Variants in GALNT7 observed in about 807,000 individuals in gnomAD.
The protein encoded by GALNT7 is polypeptide N-acetylgalactosaminyltransferase 7.
Under a neutral mutation model 82.1 loss-of-function variants are expected in GALNT7, and 60 were observed. The observed-to-expected ratio is 0.73, with a 90% CI of 0.59 to 0.91. The LOEUF is 0.91. Ranked by LOEUF, GALNT7 falls within the 40% of genes least tolerant of loss-of-function variation. The pLI, the probability that GALNT7 is intolerant of heterozygous loss-of-function variation, is 0.00. For synonymous variants in GALNT7, 243 were observed against 275.1 expected (o/e 0.88, Z 1.15); for missense variants, 660 against 804.2 (o/e 0.82, Z 2.17).
chr4:173,181,796 G>A (rs1033505917), intron 1 of GALNT7, among the ~76,000 whole-genome samples: 1 of 152,124 alleles, frequency 6.6e-6, no homozygotes, highest in Non-Finnish European at 1.5e-5. Context: ...TATACTGTAT[G>A]GTCATTCTCA....
chr4:173,287,108 G>A (rs1213602441), intron 2 of GALNT7, among the ~76,000 whole-genome samples: 2 of 152,186 alleles, frequency 1.3e-5, no homozygotes, highest in Non-Finnish European at 2.9e-5. Context: ...GGCTGTCTGA[G>A]TAATAAACCT....
At chr4:173,273,496 C>T (rs920332694) in intron 2 of GALNT7, among the ~76,000 whole-genome samples, 1 of 152,152 alleles carries the variant, frequency 6.6e-6, no homozygotes, top group Admixed American at 6.6e-5. Context: ...GAATATTGTA[C>T]TTCTTCTGAA....
At chr4:173,266,110 A>T (rs933864214) in intron 2 of GALNT7, among the ~76,000 whole-genome samples, 1 of 152,164 alleles carries the variant, frequency 6.6e-6, no homozygotes, top group Non-Finnish European at 1.5e-5. Context: ...ATACAAAAAA[A>T]TTAGCTGGGC....
chr4:173,300,952 G>A (rs1488082980), intron 6 of GALNT7, among the ~76,000 whole-genome samples: 1 of 151,954 alleles, frequency 6.6e-6, no homozygotes, highest in Admixed American at 6.6e-5. Flanking sequence ...TGAGCAACAT[G>A]GCGAAACCCC....
In GALNT7 at chr4:173,302,101, A is replaced by G. The variant is rs1217985156; in HGVS notation, c.1203A>G (p.Glu401=). ...LFAIEREFFF[E]LGLYDPGLQI... ...CCATTGAACGAGAGTTCTTCTTTGA[A>G]TTGGGTCTCTATGATCCAGGTCTCC... Residue 401 remains glutamate, a synonymous_variant, in exon 7 of 12, where the codon GAA becomes GAG. Coordinates refer to ENST00000265000, the MANE Select transcript of GALNT7 (RefSeq NM_017423.3). This position sits in a 1 kb window ranked among gnomAD's most constrained non-coding sequence, Gnocchi z 4.2. 1.2e-6 allele frequency: 2 copies of G among 1,603,814 alleles called. No individual in the cohort carries two copies. The highest frequency in any genetic ancestry group is 1.1e-5 in the South Asian group (1 of 90,854).
At chr4:173,312,572 A>G (rs1737426271) in intron 8 of GALNT7, among the ~76,000 whole-genome samples, 1 of 152,208 alleles carries the variant, frequency 6.6e-6, no homozygotes, top group Admixed American at 6.5e-5. Context: ...GCATTGCCAC[A>G]TTGGGCATCA....
chr4:173,189,558 C>T (rs913372276), intron 1 of GALNT7, among the ~76,000 whole-genome samples: 27 of 152,120 alleles, frequency 1.8e-4, no homozygotes, highest in African/African-American at 5.6e-4. Context: ...GCACTAGAGC[C>T]ATATTGTGTC....
intron 1 of GALNT7, among the ~76,000 whole-genome samples, chr4:173,220,462 T>C (rs893327333): frequency 1.3e-5 from 2 of 152,210 alleles, no homozygotes; most frequent in Admixed American, 6.5e-5. Flanking sequence ...TAGTCTTGCA[T>C]TGGCTATGCG....
At chr4:173,310,352 C>G (rs2126862160) in intron 8 of GALNT7, among the ~76,000 whole-genome samples, 1 of 152,252 alleles carries the variant, frequency 6.6e-6, no homozygotes, top group Admixed American at 6.5e-5. Context: ...GTGATTCTGC[C>G]TCACATATAG....
chr4:173,187,394 A>C (rs1482734886), intron 1 of GALNT7, among the ~76,000 whole-genome samples: 13 of 152,052 alleles, frequency 8.5e-5, no homozygotes, highest in African/African-American at 2.4e-4. Flanking sequence ...AAAAAAAAAA[A>C]AAACCTGTGT....
At chr4:173,214,481 G>A (rs927651321) in intron 1 of GALNT7, among the ~76,000 whole-genome samples, 12 of 152,196 alleles carry the variant, frequency 7.9e-5, no homozygotes, top group African/African-American at 2.7e-4. Context: ...TGTGTTCCAA[G>A]AGAAAGAGCA....
chr4:173,202,363 T>C (rs1732968572), intron 1 of GALNT7, among the ~76,000 whole-genome samples: 1 of 152,166 alleles, frequency 6.6e-6, no homozygotes. Flanking sequence ...CATGACCACC[T>C]AAACTTGTAG....
At chr4:173,300,141 A>G (rs1371614037) in intron 6 of GALNT7, among the ~76,000 whole-genome samples, 1 of 152,228 alleles carries the variant, frequency 6.6e-6, no homozygotes, top group Non-Finnish European at 1.5e-5. Context: ...TGAATTTAAA[A>G]TACAGTGAAT....
chr4:173,250,276 T>C (rs1734800749), intron 2 of GALNT7, among the ~76,000 whole-genome samples: 1 of 152,164 alleles, frequency 6.6e-6, no homozygotes, highest in South Asian at 2.1e-4. Context: ...AGCTTAACAG[T>C]GTGGAAACAA....
At chr4:173,221,163 G>T (rs1733632777) in intron 1 of GALNT7, among the ~76,000 whole-genome samples, 1 of 151,920 alleles carries the variant, frequency 6.6e-6, no homozygotes, top group African/African-American at 2.4e-5. Context: ...TCCAGCACCT[G>T]TTGTTTCCTG....
In GALNT7 at chr4:173,215,788, A is replaced by G. The variant is rs181069090; in HGVS notation, c.127-32192A>G. Among the ~76,000 whole-genome samples the G allele has an allele frequency of 2.0e-3, 307 of 152,240 alleles. 1 individual carries two copies. Among genetic ancestry groups the G allele is most frequent in the African/African-American group, 7.1e-3 (295 of 41,538 alleles). ...GATTGAGCTAGAAAATATGAACTAC[A>G]TTTTTACAAATACTCAGACCTTCAA... is the stretch of plus-strand genomic sequence containing the variant. On this transcript the variant is annotated intron_variant, in intron 1 of 11. Coordinates refer to ENST00000265000, the MANE Select transcript of GALNT7 (RefSeq NM_017423.3).
intron 2 of GALNT7, among the ~76,000 whole-genome samples, chr4:173,275,174 G>A (rs1278486295): frequency 6.6e-6 from 1 of 152,156 alleles, no homozygotes; most frequent in Non-Finnish European, 1.5e-5. Context: ...TGAGACTGAG[G>A]TGTTCTCTAA....
chr4:173,212,363 A>G (rs1255185814), intron 1 of GALNT7, among the ~76,000 whole-genome samples: 1 of 152,354 alleles, frequency 6.6e-6, no homozygotes, highest in East Asian at 1.9e-4. Flanking sequence ...AAATAATGAT[A>G]TCCATAATAG....
In GALNT7 at chr4:173,302,216, T is replaced by C. The variant is rs886164848; in HGVS notation, c.1266+52T>C. ...TTCTCCAAGTCGTTACTAACTTCTGTGGCTTTCAGATAAAGCTAGTTTTTT... is the reference window on the plus strand; with the variant it reads ...TTCTCCAAGTCGTTACTAACTTCTGCGGCTTTCAGATAAAGCTAGTTTTTT... On this transcript the variant is annotated intron_variant, in intron 7 of 11. Transcript: ENST00000265000. The surrounding 1 kb of genome is among the most constrained non-coding windows in gnomAD (Gnocchi z 4.2). 1.1e-5 allele frequency: 9 copies of C among 845,742 alleles called. No individual in the cohort carries two copies. Among genetic ancestry groups the C allele is most frequent in the Non-Finnish European group, 1.8e-5 (9 of 487,918 alleles). 52.4% of individuals were successfully genotyped at this position (845,742 alleles called of 1,614,324 possible).
Sources: allele counts gnomAD v4.1 joint callset (sites outside exome capture counted in the v4.1 genomes callset), GRCh38; gene constraint gnomAD v4.1.1; non-coding constraint Gnocchi (gnomAD v3.1); transcripts MANE v1.5; gene names NCBI Gene and HGNC (gene_info 2026-07-23, HGNC 2026-07-21).